Variants in TMED8 observed in about 807,000 individuals in gnomAD.
The protein encoded by TMED8 is protein TMED8.
Under a neutral mutation model 32.7 loss-of-function variants are expected in TMED8, and 15 were observed. The ratio of observed to expected loss-of-function variants is 0.46; its 90% CI spans 0.31 to 0.71. The LOEUF (loss-of-function observed/expected upper bound fraction) is 0.71, where lower values mean the gene tolerates loss of function less well. Ranked by LOEUF, TMED8 falls within the 30% of genes least tolerant of loss-of-function variation. TMED8 has a pLI of 0.06. For synonymous variants in TMED8, 147 were observed against 161.4 expected, an observed-to-expected ratio of 0.91 and a Z score of 0.68; for missense variants, 390 against 423.9, an observed-to-expected ratio of 0.92 and a Z score of 0.70.
intron 1 of TMED8, among the ~76,000 whole-genome samples, chr14:77,370,966 G>A (rs774928239): frequency 2.6e-5 from 4 of 151,680 alleles, no homozygotes; most frequent in East Asian, 1.9e-4. Context: ...AAAAAAGGTC[G>A]GGGGGAGCAT....
At chr14:77,348,173 T>C (rs1175615295) in intron 2 of TMED8, among the ~76,000 whole-genome samples, 1 of 152,250 alleles carries the variant, frequency 6.6e-6, no homozygotes, top group Non-Finnish European at 1.5e-5. Context: ...TAGCATGTCA[T>C]GAGTTATTAT....
At chr14:77,367,284 T>C (rs1470955498) in intron 1 of TMED8, among the ~76,000 whole-genome samples, 1 of 150,172 alleles carries the variant, frequency 6.7e-6, no homozygotes, top group Admixed American at 6.6e-5. Flanking sequence ...AAATCTTTTC[T>C]ATTGTGAAAT....
In TMED8 at chr14:77,341,705, C is replaced by T; in HGVS notation, c.*66G>A. On this transcript the variant is annotated 3_prime_UTR_variant, in exon 6 of 6. Coordinates refer to ENST00000216468, the MANE Select transcript of TMED8 (RefSeq NM_213601.3). ...ACCTTTGGCTCTTGCCTATCCCAAA[C>T]AAGAGGCACCAGCTGGCAGCCTGCT... The T allele has an allele frequency of 6.5e-7, 1 of 1,535,060 alleles. No homozygotes were observed. The highest frequency in any genetic ancestry group is 1.1e-5 in the South Asian group (1 of 87,460).
intron 1 of TMED8, among the ~76,000 whole-genome samples, chr14:77,366,372 CACCTG>C (rs1001396209): frequency 2.0e-5 from 3 of 152,290 alleles, no homozygotes; most frequent in African/African-American, 7.2e-5. Flanking sequence ...AAAATATTCC[CACCTG>C]GAAAAGGTGA....
chr14:77,375,644 T>C lies in TMED8; in HGVS notation c.118+1292A>G, dbSNP rs1353909999. Reference sequence around the variant, plus strand: ...AGAATATAAAATCATGGGAAAGAGCTGGGTGAGTTGTGTGTGTGTTTGAAT... The same window carrying C: ...AGAATATAAAATCATGGGAAAGAGCCGGGTGAGTTGTGTGTGTGTTTGAAT... On this transcript the variant is annotated intron_variant, in intron 1 of 5. Transcript: ENST00000216468. 2.0e-5 allele frequency among the ~76,000 whole-genome samples: 3 copies of C among 152,264 alleles called. No homozygotes were observed. In the East Asian group the frequency reaches 5.8e-4, roughly 29 times the overall value.
chr14:77,351,274 CA>C (rs1220627414), intron 2 of TMED8, among the ~76,000 whole-genome samples: 2 of 150,598 alleles, frequency 1.3e-5, no homozygotes, highest in East Asian at 4.1e-4. Flanking sequence ...ATCACAAGGT[CA>C]GGAGTTCGAG....
chr14:77,374,870 T>C (rs1276145037), intron 1 of TMED8, among the ~76,000 whole-genome samples: 4 of 152,230 alleles, frequency 2.6e-5, no homozygotes, highest in Admixed American at 2.0e-4. Context: ...TGAAAACACC[T>C]TGAGGACAGA....
chr14:77,373,246 A>G (rs1025550586), intron 1 of TMED8, among the ~76,000 whole-genome samples: 3 of 151,458 alleles, frequency 2.0e-5, no homozygotes, highest in African/African-American at 7.3e-5. Flanking sequence ...TACACACCAA[A>G]CTAAGTTCTA....
rs775196431 is a variant in TMED8 at position 77,359,863 on chromosome 14, C to A, written c.119-8112G>T. On this transcript the variant is annotated intron_variant, in intron 1 of 5. Transcript: ENST00000216468. Reference sequence around the variant, plus strand: ...GTGAGAAAAAATTTACAGTTCTCAGCAGCTCTTTGGCTTTCAACAACTATG... The same window carrying A: ...GTGAGAAAAAATTTACAGTTCTCAGAAGCTCTTTGGCTTTCAACAACTATG... The A allele has an allele frequency of 7.2e-4, 129 of 179,688 alleles. 1 individual carries two copies. The highest frequency in any genetic ancestry group is 1.3e-3 in the Non-Finnish European group (107 of 82,454). 11.1% of individuals were successfully genotyped at this position (179,688 alleles called of 1,614,324 possible). A position where few individuals can be genotyped will look rare whatever the true frequency, so the allele number is the denominator to read the frequency against.
chr14:77,358,374 T>G (rs951062418), intron 1 of TMED8, among the ~76,000 whole-genome samples: 2 of 151,910 alleles, frequency 1.3e-5, no homozygotes, highest in African/African-American at 4.8e-5. Context: ...CAATCTCTGC[T>G]CACTGCAACC....
chr14:77,346,198 A>G, intron 3 of TMED8, 151 bp downstream of exon 3: 1 of 779,848 alleles, frequency 1.3e-6, no homozygotes, highest in East Asian at 2.7e-5. Context: ...CATTCTCCAA[A>G]AAATAATGAA....
rs542881604 is a variant in TMED8 at position 77,362,324 on chromosome 14, T to C, written c.119-10573A>G. Reference sequence around the variant, plus strand: ...AGTTTTCATTTTTCCACACTGATTATGACACTGGCTTTGGGTTTTTCATAA... The same window carrying C: ...AGTTTTCATTTTTCCACACTGATTACGACACTGGCTTTGGGTTTTTCATAA... On this transcript the variant is annotated intron_variant, in intron 1 of 5. Transcript: ENST00000216468. Among the ~76,000 whole-genome samples, 16 of 152,306 alleles carry C rather than the reference T, an allele frequency of 1.1e-4. No individual in the cohort carries two copies. In the East Asian group the frequency reaches 2.1e-3, roughly 20 times the overall value.
Position 77,335,887 on chromosome 14 carries a change from G to A in TMED8, c.*5884C>T, listed in dbSNP as rs1345066980. The A allele has an allele frequency of 1.3e-5, 2 of 152,118 alleles. No homozygotes were observed. Among genetic ancestry groups the A allele is most frequent in the Admixed American group, 6.5e-5 (1 of 15,278 alleles). 9.4% of individuals were successfully genotyped at this position (152,118 alleles called of 1,614,324 possible). On this transcript the variant is annotated 3_prime_UTR_variant, in exon 6 of 6. Coordinates refer to ENST00000216468, the MANE Select transcript of TMED8 (RefSeq NM_213601.3). ...AGACATGAGTGGAGTTTTTCATATG[G>A]AATTTCTTAGTAAAATGTACTGTTT...
chr14:77,344,825 G>A (rs1029525704), intron 3 of TMED8, among the ~76,000 whole-genome samples: 1 of 152,184 alleles, frequency 6.6e-6, no homozygotes, highest in Non-Finnish European at 1.5e-5. Context: ...AAGCCCTCCA[G>A]TTCTCATCTC....
At chr14:77,360,775 T>C (rs1019189475) in intron 1 of TMED8, among the ~76,000 whole-genome samples, 10 of 152,204 alleles carry the variant, frequency 6.6e-5, no homozygotes, top group Admixed American at 6.5e-4. Context: ...TTTTTCACAA[T>C]GGCTGCATCA....
At position 77,376,762 on chromosome 14, in the gene TMED8, G is replaced by T. The variant is rs1158545348; in HGVS notation, c.118+174C>A. The T allele has an allele frequency of 1.1e-5, 4 of 366,200 alleles. No individual in the cohort carries two copies. Among genetic ancestry groups the T allele is most frequent in the Non-Finnish European group, 1.9e-5 (4 of 206,420 alleles). The allele number at this position is 366,200 out of a possible 1,614,324, so 22.7% of individuals were successfully genotyped here. A position where few individuals can be genotyped will look rare whatever the true frequency, so the allele number is the denominator to read the frequency against. ...AGGAGTGAGTAGAAAATAACCTCGA[G>T]CCCAGGGCCCGGGTGGTGGCAGCGG... is the stretch of plus-strand genomic sequence containing the variant. On this transcript the variant is annotated intron_variant, in intron 1 of 5. Transcript: ENST00000216468. This position sits in a 1 kb window ranked among gnomAD's most constrained non-coding sequence, Gnocchi z 4.0.
chr14:77,354,496 A>G (rs914181100), intron 1 of TMED8, among the ~76,000 whole-genome samples: 2 of 152,234 alleles, frequency 1.3e-5, no homozygotes, highest in African/African-American at 2.4e-5. Context: ...AACATTTTGC[A>G]TCTACCCTTC....
intron 1 of TMED8, among the ~76,000 whole-genome samples, chr14:77,373,485 C>T (rs1015313252): frequency 3.9e-5 from 6 of 152,108 alleles, no homozygotes; most frequent in Non-Finnish European, 7.4e-5. Flanking sequence ...AACACCATGA[C>T]CACTGGAGAG....
At chr14:77,353,576 G>A (rs1594846152) in intron 1 of TMED8, among the ~76,000 whole-genome samples, 1 of 150,360 alleles carries the variant, frequency 6.7e-6, no homozygotes, top group African/African-American at 2.4e-5. Flanking sequence ...TCAGCCTCCT[G>A]AGTAGCTGGG....
Sources: gnomAD v4.1 joint callset for allele counts (sites outside exome capture counted in the v4.1 genomes callset) on GRCh38, gnomAD v4.1.1 for gene constraint, Gnocchi (gnomAD v3.1) non-coding constraint, MANE v1.5 for transcripts, NCBI Gene and HGNC (gene_info 2026-07-23, HGNC 2026-07-21) for gene names.